The following GLI2 variants were observed in gnomAD, a reference collection of about 807,000 sequenced individuals.
GLI2 encodes transcription activator GLI2.
A neutral mutation model predicts 78.9 loss-of-function variants in GLI2; 22 were observed. The ratio of observed to expected loss-of-function variants is 0.28; its 90% CI spans 0.20 to 0.40. GLI2 has a LOEUF of 0.40. GLI2 is among the 10% of genes least tolerant of loss of function. The probability of loss-of-function intolerance (pLI) is 1.00; values close to 1 mark genes in which losing one functional copy is unlikely to be tolerated. For synonymous variants in GLI2, 974 were observed against 963.7 expected, an observed-to-expected ratio of 1.01 and a Z score of -0.20; for missense variants, 2,097 against 2,213.2, an observed-to-expected ratio of 0.95 and a Z score of 1.05.
intron 2 of GLI2, among the ~76,000 whole-genome samples, chr2:120,839,328 G>A (rs1297447056): frequency 2.0e-5 from 3 of 152,082 alleles, no homozygotes; most frequent in Admixed American, 6.6e-5. Flanking sequence ...GTTTCTTAAC[G>A]TTTTTTAAAA....
intron 12 of GLI2, 86 bp downstream of exon 12, chr2:120,984,829 C>A: frequency 7.2e-7 from 1 of 1,398,348 alleles, no homozygotes; most frequent in East Asian, 2.3e-5. Context: ...CGGGCTCTGC[C>A]CTAAGGCCCC....
At chr2:120,957,198 C>A (rs145949631) in intron 5 of GLI2, among the ~76,000 whole-genome samples, 5 of 152,298 alleles carry the variant, frequency 3.3e-5, no homozygotes, top group Non-Finnish European at 5.9e-5. Flanking sequence ...CCATAACATG[C>A]CTCAGTGATG....
intron 1 of GLI2, among the ~76,000 whole-genome samples, chr2:120,782,278 G>C (rs1029043839): frequency 2.0e-5 from 3 of 152,200 alleles, no homozygotes; most frequent in African/African-American, 7.2e-5. Flanking sequence ...CTTAGCAGGT[G>C]TTTTATGGCA....
At chr2:120,865,582 C>T (rs1371643895) in intron 2 of GLI2, among the ~76,000 whole-genome samples, 1 of 152,204 alleles carries the variant, frequency 6.6e-6, no homozygotes, top group Non-Finnish European at 1.5e-5. Context: ...TTCAGTTTTG[C>T]TGACCCGGGA....
Position 120,920,477 on chromosome 2 carries a change from G to A in GLI2, c.149-6884G>A, listed in dbSNP as rs115307071. On this transcript the variant is annotated intron_variant, in intron 2 of 13. Transcript: ENST00000361492. ...GGGCATTAACTTGAGCCAGGTTTCC[G>A]GGGAAGGGCTGTCCTTGCCCCCTCA... Among the ~76,000 whole-genome samples the A allele has an allele frequency of 1.8e-3, 274 of 152,294 alleles. 3 individuals are homozygous for A. Among genetic ancestry groups the A allele is most frequent in the African/African-American group, 6.1e-3 (255 of 41,576 alleles).
At chr2:120,873,621 G>T (rs1447909366) in intron 2 of GLI2, among the ~76,000 whole-genome samples, 1 of 152,174 alleles carries the variant, frequency 6.6e-6, no homozygotes, top group Non-Finnish European at 1.5e-5. Flanking sequence ...GACCCCTTGA[G>T]GCAGTCTTGG....
intron 2 of GLI2, among the ~76,000 whole-genome samples, chr2:120,816,343 G>C (rs988037218): frequency 6.6e-6 from 1 of 151,932 alleles, no homozygotes; most frequent in Admixed American, 6.6e-5. Context: ...TTACAGGTGC[G>C]TGCCATCATG....
intron 2 of GLI2, among the ~76,000 whole-genome samples, chr2:120,819,279 G>T (rs1685653980): frequency 8.3e-6 from 1 of 121,054 alleles, no homozygotes; most frequent in South Asian, 2.7e-4. Flanking sequence ...TCACTCTGTT[G>T]TCCAAGCTGG....
chr2:120,975,407 C>T (rs1394880179), intron 9 of GLI2, among the ~76,000 whole-genome samples: 2 of 151,996 alleles, frequency 1.3e-5, no homozygotes, highest in African/African-American at 2.4e-5. Context: ...TATTAAAAAC[C>T]GAGTGCTTTG....
intron 2 of GLI2, among the ~76,000 whole-genome samples, chr2:120,892,145 C>G (rs1677714088): frequency 6.6e-6 from 1 of 152,242 alleles, no homozygotes; most frequent in Non-Finnish European, 1.5e-5. Context: ...TCTCCCCCGT[C>G]AGCCAGGGAA....
intron 10 of GLI2, 97 bp from the exon 11 acceptor site, chr2:120,982,619 T>G: frequency 1.0e-6 from 1 of 1,002,560 alleles, no homozygotes; most frequent in Admixed American, 2.1e-5. Flanking sequence ...GCTGACGGGT[T>G]GGAGCAGAGC....
intron 2 of GLI2, among the ~76,000 whole-genome samples, chr2:120,830,433 T>C (rs894346283): frequency 1.3e-5 from 2 of 152,172 alleles, no homozygotes; most frequent in Non-Finnish European, 2.9e-5. Flanking sequence ...CAAGCCTGTG[T>C]GTGTGTGGGT....
In GLI2 at chr2:120,974,999, G is replaced by C. The variant is rs752889300; in HGVS notation, c.1207G>C (p.Asp403His). Residue 403 changes from aspartate (D) to histidine (H), a missense_variant, in exon 9 of 14, where the codon GAT (aspartate) becomes CAT (histidine). Asp to His is a moderately conservative substitution (Grantham distance 81). Transcript: ENST00000361492. ...GGAGCAGCTGGCTGACCTCAAGGAA[G>C]ATCTGGACAGGGATGACTGTAAGCA... The part of the protein sequence containing the change: ...TQEQLADLKE[D>H]LDRDDCKQEA... 1 of 1,614,218 alleles carries C rather than the reference G, an allele frequency of 6.2e-7. No homozygotes were observed. Among genetic ancestry groups the C allele is most frequent in the Non-Finnish European group, 8.5e-7 (1 of 1,180,034 alleles).
intron 2 of GLI2, among the ~76,000 whole-genome samples, chr2:120,823,193 C>T (rs936575009): frequency 9.2e-5 from 14 of 152,346 alleles, no homozygotes; most frequent in South Asian, 4.1e-4. Flanking sequence ...TCTGCAGGGA[C>T]GCTCCACTGT....
intron 2 of GLI2, among the ~76,000 whole-genome samples, chr2:120,857,277 C>T (rs1469963356): frequency 1.3e-5 from 2 of 152,032 alleles, no homozygotes; most frequent in Admixed American, 1.3e-4. Context: ...GAGCTTCCAT[C>T]CATTCAACCA....
rs1339621016 is a variant in GLI2, at chr2:120,935,503, T to C, written c.254+8037T>C. 5.9e-5 allele frequency among the ~76,000 whole-genome samples: 9 copies of C among 152,274 alleles called. No homozygotes were observed. In the East Asian group the frequency reaches 1.7e-3, roughly 29 times the overall value. On this transcript the variant is annotated intron_variant, in intron 3 of 13. Coordinates refer to ENST00000361492, the MANE Select transcript of GLI2 (RefSeq NM_001374353.1). The stretch of plus-strand genomic sequence containing the variant: ...TCCCCATCTCTGGGCTGTGGGATAC[T>C]TGGGTCAGACCAGCAGAGGAGCAGT...
chr2:120,809,067 G>T (rs1203741417), intron 2 of GLI2, among the ~76,000 whole-genome samples: 1 of 152,158 alleles, frequency 6.6e-6, no homozygotes, highest in Admixed American at 6.5e-5. Flanking sequence ...TTGTATATGG[G>T]TGTTTATAGC....
intron 1 of GLI2, among the ~76,000 whole-genome samples, chr2:120,758,577 A>G (rs1320172872): frequency 6.6e-6 from 1 of 152,234 alleles, no homozygotes; most frequent in Non-Finnish European, 1.5e-5. Flanking sequence ...AGCCACGGCC[A>G]GGCCCAAGGC....
At chr2:120,912,972 C>T (rs1229504330) in intron 2 of GLI2, among the ~76,000 whole-genome samples, 7 of 152,130 alleles carry the variant, frequency 4.6e-5, no homozygotes, top group Admixed American at 4.6e-4. Flanking sequence ...TCCTACGATT[C>T]TGGGAACGTT....
Sources: allele counts gnomAD v4.1 joint callset (sites outside exome capture counted in the v4.1 genomes callset), GRCh38; gene constraint gnomAD v4.1.1; transcripts MANE v1.5; gene names NCBI Gene and HGNC (gene_info 2026-07-23, HGNC 2026-07-21).